EZR: variants seen among roughly 807,000 people sequenced by gnomAD.
EZR encodes cytovillin 2.
Under a neutral mutation model 74.8 loss-of-function variants are expected in EZR, and 40 were observed. The ratio of observed to expected loss-of-function variants is 0.53; its 90% CI spans 0.42 to 0.70. The LOEUF (loss-of-function observed/expected upper bound fraction) is 0.70, where lower values mean the gene tolerates loss of function less well. EZR is among the 30% of genes least tolerant of loss of function. The pLI is 0.00. For missense variants in EZR, 678 were observed against 755.8 expected, an observed-to-expected ratio of 0.90 and a Z score of 1.21; for synonymous variants, 341 against 283.3, an observed-to-expected ratio of 1.20 and a Z score of -2.05.
intron 2 of EZR, among the ~76,000 whole-genome samples, chr6:158,810,871 G>A (rs1304951261): frequency 6.6e-6 from 1 of 152,210 alleles, no homozygotes; most frequent in African/African-American, 2.4e-5. Context: ...TTTATCTTAT[G>A]TAACATTCTT....
In EZR at chr6:158,785,343, C is replaced by A. The variant is rs1330410476; in HGVS notation, c.433G>T (p.Gly145Trp). 1 of 1,614,096 alleles carries A rather than the reference C, an allele frequency of 6.2e-7. No individual in the cohort carries two copies. Among genetic ancestry groups the A allele is most frequent in the Non-Finnish European group, 8.5e-7 (1 of 1,180,054 alleles). ...ATCAGCCGCTCAGAGCTGAGGTACCCAGACTTGTGCACTTCTTTGTTGTAG... is the reference window on the plus strand; with the variant it reads ...ATCAGCCGCTCAGAGCTGAGGTACCAAGACTTGTGCACTTCTTTGTTGTAG... ...GDYNKEVHKS[G>W]YLSSERLIPQ... Residue 145 changes from glycine (G) to tryptophan (W), a missense_variant, in exon 5 of 14, where the codon GGG (glycine) becomes TGG (tryptophan). Physicochemically the swap from Gly to Trp is radical, Grantham distance 184. Coordinates refer to ENST00000367075, the MANE Select transcript of EZR (RefSeq NM_001111077.2).
intron 2 of EZR, among the ~76,000 whole-genome samples, chr6:158,801,450 C>A (rs1777184649): frequency 6.6e-6 from 1 of 152,148 alleles, no homozygotes; most frequent in Non-Finnish European, 1.5e-5. Flanking sequence ...CAAAGGCCAG[C>A]CATCTATCTA....
intron 2 of EZR, among the ~76,000 whole-genome samples, chr6:158,800,458 G>C (rs1262158142): frequency 6.6e-6 from 1 of 152,142 alleles, no homozygotes; most frequent in East Asian, 1.9e-4. Flanking sequence ...CAGCCTTCTT[G>C]AGCTAAGTGT....
intron 2 of EZR, among the ~76,000 whole-genome samples, chr6:158,807,528 A>C (rs562010375): frequency 6.2e-4 from 94 of 152,336 alleles, no homozygotes; most frequent in African/African-American, 2.2e-3. Flanking sequence ...GTTCTTGAAG[A>C]AAGACCATCA....
At chr6:158,802,354 T>G (rs1476660242) in intron 2 of EZR, among the ~76,000 whole-genome samples, 1 of 152,242 alleles carries the variant, frequency 6.6e-6, no homozygotes, top group East Asian at 1.9e-4. Flanking sequence ...GTTTCAAATT[T>G]TAACTGCCAG....
chr6:158,780,959 C>A (rs567481093), intron 7 of EZR, among the ~76,000 whole-genome samples: 10 of 152,278 alleles, frequency 6.6e-5, no homozygotes, highest in Admixed American at 5.9e-4. Context: ...AAGGGAACCC[C>A]AAGAGACAGA....
At chr6:158,787,764 C>T (rs372109020) in intron 3 of EZR, among the ~76,000 whole-genome samples, 7 of 152,212 alleles carry the variant, frequency 4.6e-5, no homozygotes, top group African/African-American at 7.2e-5. Flanking sequence ...ACTTCTGGGA[C>T]GGAAGGGTGT....
chr6:158,815,093 A>G (rs1408428782), intron 2 of EZR, among the ~76,000 whole-genome samples: 1 of 152,246 alleles, frequency 6.6e-6, no homozygotes, highest in African/African-American at 2.4e-5. Context: ...CATTAAGCCC[A>G]AGAAAACCAC....
In EZR at chr6:158,767,262, A is replaced by C. The variant is rs1790912164; in HGVS notation, c.1595T>G (p.Leu532Arg). 6.2e-7 allele frequency: 1 copy of C among 1,611,632 alleles called. No individual in the cohort carries two copies. Among genetic ancestry groups the C allele is most frequent in the Non-Finnish European group, 8.5e-7 (1 of 1,178,390 alleles). Residue 532 changes from leucine to arginine, a missense_variant and splice_region_variant, in exon 13 of 14, where the codon CTG becomes CGG. This residue lies in a region of EZR where 342 missense variants were observed against 341.2 expected (regional missense o/e 1.00). Coordinates refer to ENST00000367075, the MANE Select transcript of EZR (RefSeq NM_001111077.2). ...GAGACAGAGCCCCTTGGGCCTCACC[A>C]GCAGCTGCCGCTGCACACGCTCGTT... ...EKNERVQRQL[L>R]TLSSELSQAR...
rs768332918 is a variant in EZR, at chr6:158,789,387, A to G, written c.13-16T>C. The G allele has an allele frequency of 6.2e-7, 1 of 1,609,282 alleles. No individual in the cohort carries two copies. The highest frequency in any genetic ancestry group is 1.1e-5 in the South Asian group (1 of 90,978). On this transcript the variant is annotated splice_polypyrimidine_tract_variant and intron_variant, in intron 2 of 13. Transcript: ENST00000367075. ...GGACATTGATCTGAAAAACAGAATG[A>G]AACAAATTACGCTTAACTGAGTATT...
intron 2 of EZR, among the ~76,000 whole-genome samples, chr6:158,815,178 T>A (rs1027789271): frequency 3.3e-5 from 5 of 152,146 alleles, no homozygotes; most frequent in African/African-American, 1.2e-4. Flanking sequence ...AAAGGACACA[T>A]CCACAGAGCT....
rs1382775820 is a variant in EZR at position 158,766,791 on chromosome 6, C to G, written c.*123G>C. ...AGCCCAGAATGTTTCTGTTGGGTAACTGCTTTCTAAAGGAACTGGGATCTG... is the reference window on the plus strand; with the variant it reads ...AGCCCAGAATGTTTCTGTTGGGTAAGTGCTTTCTAAAGGAACTGGGATCTG... On this transcript the variant is annotated 3_prime_UTR_variant, in exon 14 of 14. Coordinates refer to ENST00000367075, the MANE Select transcript of EZR (RefSeq NM_001111077.2). 1.2e-5 allele frequency: 12 copies of G among 1,020,088 alleles called. No homozygotes were observed. Among genetic ancestry groups the G allele is most frequent in the East Asian group, 2.4e-5 (1 of 41,598 alleles). The allele number at this position is 1,020,088 out of a possible 1,614,324, so 63.2% of individuals were successfully genotyped here.
intron 2 of EZR, among the ~76,000 whole-genome samples, chr6:158,791,720 T>G (rs1324031239): frequency 4.3e-4 from 60 of 140,832 alleles, no homozygotes; most frequent in Non-Finnish European, 2.6e-4. Context: ...TTTTTTTTTT[T>G]TTTTTTGAGA....
intron 2 of EZR, among the ~76,000 whole-genome samples, chr6:158,798,958 C>T (rs990323610): frequency 1.9e-4 from 29 of 152,166 alleles, no homozygotes; most frequent in Non-Finnish European, 8.8e-5. Flanking sequence ...CACAACCCAG[C>T]ACTCTAATTA....
At chr6:158,792,930 C>G (rs987870328) in intron 2 of EZR, among the ~76,000 whole-genome samples, 2 of 152,090 alleles carry the variant, frequency 1.3e-5, no homozygotes, top group African/African-American at 4.8e-5. Context: ...CAACTCTTAG[C>G]TGGTCCGATC....
chr6:158,790,674 A>C (rs1001426581), intron 2 of EZR, among the ~76,000 whole-genome samples: 22 of 110,724 alleles, frequency 2.0e-4, no homozygotes, highest in Admixed American at 7.1e-4. Flanking sequence ...ACTCCATCTC[A>C]AAACAAACAA....
At chr6:158,815,728 C>A (rs1777540127) in intron 2 of EZR, among the ~76,000 whole-genome samples, 1 of 152,220 alleles carries the variant, frequency 6.6e-6, no homozygotes, top group African/African-American at 2.4e-5. Context: ...TCCCAAAGTG[C>A]TGGGATTACA....
chr6:158,804,292 TAATC>T (rs1333578037), intron 2 of EZR, among the ~76,000 whole-genome samples: 1 of 152,092 alleles, frequency 6.6e-6, no homozygotes, highest in Non-Finnish European at 1.5e-5. Context: ...GGAAAAGAAA[TAATC>T]AAAGGATGTT....
chr6:158,818,996 TG>T (rs1777631134), intron 1 of EZR, among the ~76,000 whole-genome samples: 1 of 152,140 alleles, frequency 6.6e-6, no homozygotes, highest in Non-Finnish European at 1.5e-5. Context: ...GCCCCGCGGC[TG>T]CAGTCACAAC....
Sources: gnomAD v4.1 joint callset for allele counts (sites outside exome capture counted in the v4.1 genomes callset) on GRCh38, gnomAD v4.1.1 for gene constraint, gnomAD v4.1.1 regional missense constraint, MANE v1.5 for transcripts, NCBI Gene and HGNC (gene_info 2026-07-23, HGNC 2026-07-21) for gene names.